Variants in LOC400499 observed in about 807,000 individuals in gnomAD.
the LOC400499 span, chr16:11,384,888 C>G: frequency 8.1e-7 from 1 of 1,232,266 alleles, no homozygotes; most frequent in Non-Finnish European, 1.0e-6. Context: ...CCAGACCCAC[C>G]GTGCTGCCAG....
chr16:11,443,368 G>T, the LOC400499 span: 2 of 408,850 alleles, frequency 4.9e-6, no homozygotes, highest in South Asian at 1.7e-5. Context: ...ATGATCGGAG[G>T]GGTCTGTGCA....
the LOC400499 span, chr16:11,383,586 G>A: frequency 1.6e-6 from 2 of 1,231,326 alleles, no homozygotes; most frequent in Non-Finnish European, 2.0e-6. Context: ...TTTTCCCTCT[G>A]GCCTGGAAGG....
At chr16:11,430,502 C>T in the LOC400499 span, among the ~76,000 whole-genome samples, 3 of 149,944 alleles carry the variant, frequency 2.0e-5, no homozygotes, top group Non-Finnish European at 4.4e-5. Flanking sequence ...AAAAAGAAAA[C>T]GAAAAAAAAG....
the LOC400499 span, among the ~76,000 whole-genome samples, chr16:11,428,586 TC>T: frequency 6.6e-6 from 1 of 152,216 alleles, no homozygotes; most frequent in Non-Finnish European, 1.5e-5. Context: ...GAGGACGCTC[TC>T]GTCACCATCT....
the LOC400499 span, among the ~76,000 whole-genome samples, chr16:11,486,453 A>G: frequency 7.6e-6 from 1 of 132,074 alleles, no homozygotes. Context: ...GATGAATGGT[A>G]CATGGGTAGA....
the LOC400499 span, among the ~76,000 whole-genome samples, chr16:11,438,357 T>C: frequency 6.6e-6 from 1 of 152,150 alleles, no homozygotes; most frequent in Non-Finnish European, 1.5e-5. Context: ...TTCAGGGACA[T>C]CAACCTGTGA....
At chr16:11,456,303 C>A in the LOC400499 span, among the ~76,000 whole-genome samples, 10 of 152,300 alleles carry the variant, frequency 6.6e-5, no homozygotes, top group East Asian at 1.5e-3. Flanking sequence ...CACACCCAGC[C>A]TCCTAAAGTA....
the LOC400499 span, among the ~76,000 whole-genome samples, chr16:11,434,564 G>A: frequency 1.3e-5 from 2 of 152,150 alleles, no homozygotes; most frequent in African/African-American, 4.8e-5. Flanking sequence ...GCTTGATGGG[G>A]AAAAAGACCC....
chr16:11,383,779 T>C, the LOC400499 span: 1 of 1,231,724 alleles, frequency 8.1e-7, no homozygotes, highest in African/African-American at 1.6e-5. Flanking sequence ...TGGTGTAGGG[T>C]CTACCTGAAA....
the LOC400499 span, among the ~76,000 whole-genome samples, chr16:11,392,995 C>T: frequency 6.6e-6 from 1 of 152,124 alleles, no homozygotes; most frequent in Non-Finnish European, 1.5e-5. Flanking sequence ...CTGGGAACTA[C>T]AGGCACCCGC....
At chr16:11,448,978 A>T in the LOC400499 span, 1 of 1,507,884 alleles carries the variant, frequency 6.6e-7, no homozygotes, top group Non-Finnish European at 8.9e-7. Flanking sequence ...CCTTTCAACC[A>T]GCAGTTCAGG....
At chr16:11,391,886 T>G in the LOC400499 span, 1 of 1,170,540 alleles carries the variant, frequency 8.5e-7, no homozygotes, top group African/African-American at 1.6e-5. Flanking sequence ...CGAGGCAGAA[T>G]CAGGGTGAGG....
the LOC400499 span, chr16:11,462,167 G>A: frequency 1.6e-5 from 25 of 1,533,548 alleles, no homozygotes; most frequent in East Asian, 2.5e-5. Context: ...TGCGGAGAAG[G>A]CCAGCTTGCT....
the LOC400499 span, among the ~76,000 whole-genome samples, chr16:11,459,724 C>G: frequency 6.6e-5 from 10 of 152,238 alleles, no homozygotes; most frequent in African/African-American, 2.4e-4. Flanking sequence ...TTTCTCACCC[C>G]TGGGGACATG....
At chr16:11,498,704 G>C in the LOC400499 span, among the ~76,000 whole-genome samples, 5 of 151,674 alleles carry the variant, frequency 3.3e-5, no homozygotes, top group African/African-American at 1.2e-4. Context: ...AGAGAGGCAT[G>C]AGCTCTGGCC....
the LOC400499 span, chr16:11,469,728 T>C: frequency 2.4e-4 from 96 of 398,880 alleles, no homozygotes; most frequent in African/African-American, 1.8e-3. Context: ...GACACTCACA[T>C]TGTTGTCCTC....
the LOC400499 span, among the ~76,000 whole-genome samples, chr16:11,481,476 C>T: frequency 0.02 from 3,014 of 152,152 alleles, 92 homozygotes; most frequent in African/African-American, 0.069. Flanking sequence ...ACGCCTGCCA[C>T]CACACCTGGC....
At chr16:11,383,830 C>A in the LOC400499 span, 1 of 1,232,244 alleles carries the variant, frequency 8.1e-7, no homozygotes, top group Non-Finnish European at 1.0e-6. Context: ...GAGGAGGGAC[C>A]TAAGCTTGAT....
At chr16:11,499,762 C>T in the LOC400499 span, among the ~76,000 whole-genome samples, 8 of 152,180 alleles carry the variant, frequency 5.3e-5, no homozygotes, top group Non-Finnish European at 1.2e-4. Flanking sequence ...CCGCTCCCTA[C>T]CGATGCCATC....
Sources: allele counts gnomAD v4.1 joint callset (sites outside exome capture counted in the v4.1 genomes callset), GRCh38; gene constraint gnomAD v4.1.1; transcripts MANE v1.5.